The following RCAN2 variants were observed in gnomAD, a reference collection of about 807,000 sequenced individuals.
The protein encoded by RCAN2 is regulator of calcineurin 2, also known as calcipressin-2.
RCAN2 carries 9 observed loss-of-function variants against 23.6 expected under a neutral mutation model. That is an observed-to-expected ratio of 0.38 (90% CI 0.23 to 0.67). RCAN2 has a LOEUF of 0.67. Ranked by LOEUF, RCAN2 falls within the 30% of genes least tolerant of loss-of-function variation. The pLI, the probability that RCAN2 is intolerant of heterozygous loss-of-function variation, is 0.51. For missense variants in RCAN2, 273 were observed against 302.3 expected (o/e 0.90, Z 0.72); for synonymous variants, 109 against 115.7 (o/e 0.94, Z 0.37).
intron 2 of RCAN2, among the ~76,000 whole-genome samples, chr6:46,261,608 A>G (rs1767110213): frequency 2.0e-5 from 3 of 152,282 alleles, no homozygotes; most frequent in Admixed American, 1.3e-4. Flanking sequence ...TATTATATCT[A>G]TGTCTACATC....
intron 1 of RCAN2, among the ~76,000 whole-genome samples, chr6:46,462,633 T>G (rs1451184269): frequency 6.6e-6 from 1 of 152,242 alleles, no homozygotes; most frequent in Non-Finnish European, 1.5e-5. Context: ...AAAAATTTCT[T>G]TTCCCCCAAT....
intron 2 of RCAN2, among the ~76,000 whole-genome samples, chr6:46,302,496 A>C (rs745508106): frequency 2.0e-5 from 3 of 152,086 alleles, no homozygotes; most frequent in Non-Finnish European, 4.4e-5. Context: ...CTGTGATTGC[A>C]TGAGATACTC....
intron 2 of RCAN2, among the ~76,000 whole-genome samples, chr6:46,384,912 A>G (rs780747229): frequency 2.0e-5 from 3 of 152,216 alleles, no homozygotes; most frequent in Non-Finnish European, 2.9e-5. Context: ...ATGTAGGTAC[A>G]TTATAAATAA....
At position 46,372,763 on chromosome 6, in the gene RCAN2, G is replaced by C. The variant is rs904957536; in HGVS notation, c.225+83989C>G. 9.8e-5 allele frequency among the ~76,000 whole-genome samples: 15 copies of C among 152,294 alleles called. 1 individual carries two copies. The highest frequency in any genetic ancestry group is 9.2e-4 in the Admixed American group (14 of 15,300). On this transcript the variant is annotated intron_variant, in intron 2 of 4. Coordinates refer to ENST00000371374, the MANE Select transcript of RCAN2 (RefSeq NM_001251974.2). ...AAGTCCTGGAGCAAAACCTGCCCCAGAATTTCCCTGGTCATTTTCCAGCCA... is the reference window on the plus strand; with the variant it reads ...AAGTCCTGGAGCAAAACCTGCCCCACAATTTCCCTGGTCATTTTCCAGCCA...
At chr6:46,348,653 T>A (rs183568442) in intron 2 of RCAN2, among the ~76,000 whole-genome samples, 71 of 152,286 alleles carry the variant, frequency 4.7e-4, no homozygotes, top group African/African-American at 1.5e-3. Context: ...ATTTACTATA[T>A]CTGGGTTCTA....
intron 2 of RCAN2, among the ~76,000 whole-genome samples, chr6:46,329,313 C>T (rs1202534545): frequency 6.6e-6 from 1 of 152,162 alleles, no homozygotes; most frequent in Admixed American, 6.5e-5. Context: ...CACACAGAGT[C>T]AATCACTATC....
chr6:46,237,263 C>A (rs2150311801), intron 4 of RCAN2, among the ~76,000 whole-genome samples: 1 of 152,270 alleles, frequency 6.6e-6, no homozygotes, highest in Non-Finnish European at 1.5e-5. Context: ...GATAGTTATT[C>A]TAGGCATGGT....
intron 2 of RCAN2, among the ~76,000 whole-genome samples, chr6:46,331,609 G>A (rs777786963): frequency 1.3e-5 from 2 of 152,192 alleles, no homozygotes; most frequent in Non-Finnish European, 2.9e-5. Flanking sequence ...TCCTGCCTTA[G>A]ATAAGGAGTC....
At chr6:46,287,961 G>T (rs181913259) in intron 2 of RCAN2, among the ~76,000 whole-genome samples, 1 of 152,208 alleles carries the variant, frequency 6.6e-6, no homozygotes, top group Non-Finnish European at 1.5e-5. Flanking sequence ...AATACGACCC[G>T]AGGATATTAA....
chr6:46,440,879 AG>A (rs1296097084), intron 2 of RCAN2, among the ~76,000 whole-genome samples: 3 of 152,218 alleles, frequency 2.0e-5, no homozygotes, highest in African/African-American at 7.2e-5. Flanking sequence ...AAACAATTGA[AG>A]AAATAGTTTC....
rs546438815 is a variant in RCAN2, at chr6:46,455,137, T to G, written c.225+1615A>C. Among the ~76,000 whole-genome samples, 23 of 152,352 alleles carry G rather than the reference T, an allele frequency of 1.5e-4. 1 individual carries two copies. In the South Asian group the frequency reaches 4.8e-3, roughly 32 times the overall value. On this transcript the variant is annotated intron_variant, in intron 2 of 4. Coordinates refer to ENST00000371374, the MANE Select transcript of RCAN2 (RefSeq NM_001251974.2). Reference sequence around the variant, plus strand: ...AGGAAACTACTTGCCCTGAGAAAATTATCATTTGTGATAATCTGGTTATAA... The same window carrying G: ...AGGAAACTACTTGCCCTGAGAAAATGATCATTTGTGATAATCTGGTTATAA...
intron 2 of RCAN2, chr6:46,325,317 T>C (rs1434403252): frequency 2.6e-6 from 4 of 1,538,628 alleles, no homozygotes; most frequent in Non-Finnish European, 3.5e-6. Flanking sequence ...CAAAGTCTTA[T>C]TTCTTCATGC....
At chr6:46,455,472 G>A (rs536656745) in intron 2 of RCAN2, among the ~76,000 whole-genome samples, 12 of 152,006 alleles carry the variant, frequency 7.9e-5, no homozygotes, top group African/African-American at 2.9e-4. Flanking sequence ...ACAGACTTCA[G>A]CAATGGGCAG....
chr6:46,463,731 A>AT (rs1314620396), intron 1 of RCAN2, among the ~76,000 whole-genome samples: 3 of 152,164 alleles, frequency 2.0e-5, no homozygotes, highest in Non-Finnish European at 4.4e-5. Flanking sequence ...ACCTGTCTCT[A>AT]TTTTTTCTCT....
intron 4 of RCAN2, among the ~76,000 whole-genome samples, chr6:46,244,616 G>A (rs1022732579): frequency 2.0e-5 from 3 of 152,220 alleles, no homozygotes; most frequent in African/African-American, 7.2e-5. Context: ...TCCAGCTGGG[G>A]TGTGATGGTT....
At chr6:46,431,809 C>A (rs1192300340) in intron 2 of RCAN2, among the ~76,000 whole-genome samples, 2 of 152,218 alleles carry the variant, frequency 1.3e-5, no homozygotes, top group African/African-American at 4.8e-5. Context: ...TGACGATTAA[C>A]AATCTGATTA....
chr6:46,448,659 C>A (rs1316407782), intron 2 of RCAN2, among the ~76,000 whole-genome samples: 1 of 151,664 alleles, frequency 6.6e-6, no homozygotes, highest in African/African-American at 2.4e-5. Context: ...CACAGAAAAG[C>A]AAGAATAATT....
intron 2 of RCAN2, among the ~76,000 whole-genome samples, chr6:46,378,458 G>C (rs937638573): frequency 1.7e-4 from 26 of 152,162 alleles, no homozygotes; most frequent in Non-Finnish European, 3.5e-4. Flanking sequence ...TTCTGGTATA[G>C]TGATCCTGTC....
At chr6:46,448,393 T>A (rs1325538071) in intron 2 of RCAN2, among the ~76,000 whole-genome samples, 1 of 151,722 alleles carries the variant, frequency 6.6e-6, no homozygotes, top group African/African-American at 2.4e-5. Context: ...TTGCTGAATT[T>A]TAACAAACAT....
Sources: allele counts gnomAD v4.1 joint callset (sites outside exome capture counted in the v4.1 genomes callset), GRCh38; gene constraint gnomAD v4.1.1; transcripts MANE v1.5; gene names NCBI Gene and HGNC (gene_info 2026-07-23, HGNC 2026-07-21).